Variants in LHFPL3 observed in about 807,000 individuals in gnomAD.
LHFPL3 encodes LHFPL tetraspan subfamily member 3.
In LHFPL3, 5 loss-of-function variants were observed where a neutral mutation model predicts 19.3. The observed-to-expected ratio is 0.26, with a 90% confidence interval of 0.14 to 0.54. The LOEUF is 0.54. LHFPL3 is among the 20% of genes least tolerant of loss of function. LHFPL3 has a pLI of 0.94. For missense variants in LHFPL3, 249 were observed against 307.4 expected, an observed-to-expected ratio of 0.81 and a Z score of 1.42; for synonymous variants, 133 against 126.2, an observed-to-expected ratio of 1.05 and a Z score of -0.36.
At chr7:104,339,734 T>C (rs1387490173) in intron 1 of LHFPL3, among the ~76,000 whole-genome samples, 2 of 152,232 alleles carry the variant, frequency 1.3e-5, no homozygotes, top group Admixed American at 1.3e-4. Context: ...TCAAGCATAC[T>C]TATGTAGCCG....
At chr7:104,733,131 G>A (rs1793736125) in intron 1 of LHFPL3, among the ~76,000 whole-genome samples, 1 of 152,178 alleles carries the variant, frequency 6.6e-6, no homozygotes, top group Non-Finnish European at 1.5e-5. Context: ...GCTGAGGAGT[G>A]CTTTACTTCC....
intron 1 of LHFPL3, among the ~76,000 whole-genome samples, chr7:104,608,497 G>C (rs1463330421): frequency 7.9e-6 from 1 of 126,864 alleles, no homozygotes; most frequent in Non-Finnish European, 1.6e-5. Flanking sequence ...GGACTGTTGT[G>C]GGGTGGGGGG....
intron 2 of LHFPL3, among the ~76,000 whole-genome samples, chr7:104,767,521 A>T (rs1436882539): frequency 6.6e-6 from 1 of 152,198 alleles, no homozygotes; most frequent in East Asian, 1.9e-4. Context: ...CATTCCTCCA[A>T]AATGAAATTT....
chr7:104,862,612 C>A (rs147486306), intron 2 of LHFPL3, among the ~76,000 whole-genome samples: 2 of 126,436 alleles, frequency 1.6e-5, no homozygotes, highest in African/African-American at 6.2e-5. Context: ...TCTGGGCCAA[C>A]CTGTGTATAA....
At chr7:104,649,055 T>C (rs1330544186) in intron 1 of LHFPL3, among the ~76,000 whole-genome samples, 1 of 152,206 alleles carries the variant, frequency 6.6e-6, no homozygotes, top group Non-Finnish European at 1.5e-5. Context: ...CCACTTCACT[T>C]GGCATCACTT....
At chr7:104,863,519 C>T (rs2116640932) in intron 2 of LHFPL3, among the ~76,000 whole-genome samples, 1 of 152,318 alleles carries the variant, frequency 6.6e-6, no homozygotes, top group Non-Finnish European at 1.5e-5. Context: ...CCCTGAGCTG[C>T]CTCAGGACAG....
chr7:104,446,499 G>A (rs1414020425), intron 1 of LHFPL3, among the ~76,000 whole-genome samples: 1 of 152,102 alleles, frequency 6.6e-6, no homozygotes, highest in African/African-American at 2.4e-5. Flanking sequence ...AACTCTCTGA[G>A]CAGGAAGATT....
chr7:104,815,775 C>G (rs1790550271), intron 2 of LHFPL3, among the ~76,000 whole-genome samples: 1 of 152,154 alleles, frequency 6.6e-6, no homozygotes, highest in Admixed American at 6.5e-5. Flanking sequence ...TCTTCTGGAT[C>G]TGGTCATCTC....
At chr7:104,775,114 G>C (rs1275792638) in intron 2 of LHFPL3, among the ~76,000 whole-genome samples, 2 of 152,164 alleles carry the variant, frequency 1.3e-5, no homozygotes, top group Non-Finnish European at 2.9e-5. Flanking sequence ...ATAGCTGACT[G>C]GGCACGGTGG....
intron 1 of LHFPL3, among the ~76,000 whole-genome samples, chr7:104,378,888 G>C (rs1367088192): frequency 6.6e-6 from 1 of 152,110 alleles, no homozygotes; most frequent in Non-Finnish European, 1.5e-5. Flanking sequence ...TAAATACATA[G>C]ATCTGGATAT....
At chr7:104,684,556 C>T (rs1276643946) in intron 1 of LHFPL3, among the ~76,000 whole-genome samples, 1 of 152,240 alleles carries the variant, frequency 6.6e-6, no homozygotes, top group Non-Finnish European at 1.5e-5. Context: ...CTTCCAATTT[C>T]TTGTCAACCA....
chr7:104,349,907 A>C (rs1323136291), intron 1 of LHFPL3, among the ~76,000 whole-genome samples: 1 of 152,154 alleles, frequency 6.6e-6, no homozygotes, highest in Non-Finnish European at 1.5e-5. Context: ...TATTTGAGTA[A>C]AGATTTAGTG....
intron 1 of LHFPL3, among the ~76,000 whole-genome samples, chr7:104,682,082 A>C (rs1054558870): frequency 1.3e-5 from 2 of 152,248 alleles, no homozygotes; most frequent in African/African-American, 2.4e-5. Context: ...TATGAACTAC[A>C]TAATTACCAA....
At chr7:104,890,822 G>A (rs2116705250) in intron 2 of LHFPL3, among the ~76,000 whole-genome samples, 1 of 152,278 alleles carries the variant, frequency 6.6e-6, no homozygotes, top group Admixed American at 6.5e-5. Flanking sequence ...GGGCTATGAA[G>A]AGGACAAGGC....
intron 1 of LHFPL3, among the ~76,000 whole-genome samples, chr7:104,559,716 T>C (rs1158461705): frequency 6.6e-6 from 1 of 152,114 alleles, no homozygotes; most frequent in Admixed American, 6.5e-5. Flanking sequence ...TCCAACACTA[T>C]GTTGAATAGG....
chr7:104,599,530 A>C (rs1285213395), intron 1 of LHFPL3, among the ~76,000 whole-genome samples: 1 of 152,222 alleles, frequency 6.6e-6, no homozygotes, highest in Non-Finnish European at 1.5e-5. Context: ...AGAACCCATC[A>C]CATGTTTATT....
At chr7:104,469,344 A>G (rs752737512) in intron 1 of LHFPL3, among the ~76,000 whole-genome samples, 2 of 152,012 alleles carry the variant, frequency 1.3e-5, no homozygotes, top group East Asian at 3.9e-4. Flanking sequence ...ACCATATCTC[A>G]TGGTGTGGTT....
chr7:104,676,803 G>A (rs1792601699), intron 1 of LHFPL3, among the ~76,000 whole-genome samples: 1 of 152,194 alleles, frequency 6.6e-6, no homozygotes, highest in Admixed American at 6.5e-5. Context: ...GGAGGACAGT[G>A]TGTCCTATTT....
At chr7:104,787,278 A>T (rs186993499) in intron 2 of LHFPL3, among the ~76,000 whole-genome samples, 2 of 152,348 alleles carry the variant, frequency 1.3e-5, no homozygotes, top group Admixed American at 6.5e-5. Context: ...CCGAAAATTA[A>T]TGTTAGCTCA....
Sources: allele counts gnomAD v4.1 joint callset (sites outside exome capture counted in the v4.1 genomes callset), GRCh38; gene constraint gnomAD v4.1.1; transcripts MANE v1.5; gene names NCBI Gene and HGNC (gene_info 2026-07-23, HGNC 2026-07-21).